The following FHIT variants were observed in gnomAD, a reference collection of about 807,000 sequenced individuals.
FHIT encodes fragile histidine triad diadenosine triphosphatase.
FHIT carries 19 observed loss-of-function variants against 17.9 expected under a neutral mutation model. That is an observed-to-expected ratio of 1.06 (90% CI 0.74 to 1.56). FHIT has a LOEUF of 1.56. Ranked by LOEUF, FHIT falls within the 40% of genes most tolerant of loss-of-function variation. The probability of loss-of-function intolerance (pLI) is 0.00; values close to 1 mark genes in which losing one functional copy is unlikely to be tolerated. For missense variants in FHIT, 248 were observed against 189.2 expected (o/e 1.31, Z -1.82); for synonymous variants, 81 against 69.7 (o/e 1.16, Z -0.81).
At chr3:60,341,531 G>A (rs3890406) in intron 5 of FHIT, among the ~76,000 whole-genome samples, 58,857 of 151,858 alleles carry the variant, frequency 0.39, 12,304 homozygotes, top group South Asian at 0.64. Context: ...TGCGTTCTAA[G>A]CTCTGTTGGG....
intron 5 of FHIT, among the ~76,000 whole-genome samples, chr3:60,058,130 GTTTTTTTT>G (rs71089573): frequency 1.5e-5 from 1 of 66,270 alleles, no homozygotes; most frequent in African/African-American, 5.8e-5. Context: ...ACAGAGTTGT[GTTTTTTTT>G]TTTTTTTTTT....
intron 5 of FHIT, among the ~76,000 whole-genome samples, chr3:60,291,196 G>T (rs375124861): frequency 2.7e-4 from 41 of 152,152 alleles, no homozygotes; most frequent in African/African-American, 9.6e-4. Context: ...CTGGAAAAAT[G>T]GGTTGCCGGT....
At chr3:61,244,161 T>C (rs925322092) in intron 1 of FHIT, 27 of 152,092 alleles carry the variant, frequency 1.8e-4, no homozygotes, top group African/African-American at 5.8e-4. Context: ...CTGGGAAATG[T>C]AAAAAATAAA....
At chr3:61,052,089 T>C (rs903147704) in intron 2 of FHIT, among the ~76,000 whole-genome samples, 1 of 152,226 alleles carries the variant, frequency 6.6e-6, no homozygotes, top group African/African-American at 2.4e-5. Flanking sequence ...CCACTGAATT[T>C]TGTTTCCCAA....
chr3:60,180,253 GA>G (rs1701868420), intron 5 of FHIT, among the ~76,000 whole-genome samples: 1 of 152,148 alleles, frequency 6.6e-6, no homozygotes, highest in African/African-American at 2.4e-5. Context: ...ATGAAAAGTA[GA>G]AAAAATATAC....
At chr3:60,485,857 T>C (rs1042027483) in intron 5 of FHIT, among the ~76,000 whole-genome samples, 2 of 152,176 alleles carry the variant, frequency 1.3e-5, no homozygotes, top group Non-Finnish European at 1.5e-5. Context: ...GACCCACGGA[T>C]TGTTCATCTT....
intron 5 of FHIT, among the ~76,000 whole-genome samples, chr3:60,123,568 A>G (rs1271065111): frequency 6.6e-6 from 1 of 152,168 alleles, no homozygotes; most frequent in African/African-American, 2.4e-5. Context: ...GAATTCTAAA[A>G]TATCGTTGAA....
At chr3:60,195,575 T>TTTA (rs1441087419) in intron 5 of FHIT, among the ~76,000 whole-genome samples, 1 of 92,726 alleles carries the variant, frequency 1.1e-5, no homozygotes, top group Non-Finnish European at 2.5e-5. Flanking sequence ...ATTTATATAA[T>TTTA]TATATTTATA....
At chr3:60,327,579 A>T (rs1709761950) in intron 5 of FHIT, among the ~76,000 whole-genome samples, 1 of 152,188 alleles carries the variant, frequency 6.6e-6, no homozygotes, top group Non-Finnish European at 1.5e-5. Flanking sequence ...GGTGTGTGCT[A>T]AATATTTAAT....
chr3:60,720,191 C>T (rs782616333), intron 4 of FHIT, among the ~76,000 whole-genome samples: 3 of 152,092 alleles, frequency 2.0e-5, no homozygotes, highest in Non-Finnish European at 4.4e-5. Flanking sequence ...CTTCCCGATA[C>T]AGAATATTTG....
intron 5 of FHIT, among the ~76,000 whole-genome samples, chr3:60,155,291 A>G (rs1174863736): frequency 6.6e-6 from 1 of 152,016 alleles, no homozygotes; most frequent in Non-Finnish European, 1.5e-5. Context: ...TTGTCTGTGT[A>G]CTTTCCATTC....
At chr3:59,913,274 T>G (rs1200041422) in intron 8 of FHIT, among the ~76,000 whole-genome samples, 1 of 152,148 alleles carries the variant, frequency 6.6e-6, no homozygotes, top group African/African-American at 2.4e-5. Context: ...GATTTAGTAC[T>G]GGAAGTCCCA....
At chr3:60,430,724 G>A (rs1320384196) in intron 5 of FHIT, among the ~76,000 whole-genome samples, 11 of 151,982 alleles carry the variant, frequency 7.2e-5, no homozygotes, top group African/African-American at 2.7e-4. Flanking sequence ...ACTTCTTGAT[G>A]ACTCTAAGCT....
chr3:60,567,677 G>A (rs58435843), intron 4 of FHIT, among the ~76,000 whole-genome samples: 1,965 of 152,208 alleles, frequency 0.013, 33 homozygotes, highest in African/African-American at 0.044. Context: ...GCCACCTACA[G>A]AATGGGAGAA....
intron 5 of FHIT, among the ~76,000 whole-genome samples, chr3:60,514,665 A>T (rs1336624626): frequency 6.6e-6 from 1 of 152,164 alleles, no homozygotes; most frequent in Non-Finnish European, 1.5e-5. Context: ...GATAATAAAA[A>T]CAAGAGTTAT....
intron 4 of FHIT, among the ~76,000 whole-genome samples, chr3:60,660,179 C>T (rs1412301429): frequency 6.6e-6 from 1 of 151,982 alleles, no homozygotes; most frequent in African/African-American, 2.4e-5. Flanking sequence ...CCTTTAAATC[C>T]CCTGGAAGTC....
chr3:61,058,602 C>T (rs563242910), intron 2 of FHIT, among the ~76,000 whole-genome samples: 2 of 152,266 alleles, frequency 1.3e-5, no homozygotes, highest in Admixed American at 1.3e-4. Flanking sequence ...TCTCTTTCTC[C>T]TGCTCCCACC....
chr3:60,229,072 C>G (rs188669799), intron 5 of FHIT, among the ~76,000 whole-genome samples: 5 of 152,194 alleles, frequency 3.3e-5, no homozygotes. Context: ...GTACGAACTG[C>G]TTACTGACTT....
chr3:60,414,098 A>G (rs943931353), intron 5 of FHIT, among the ~76,000 whole-genome samples: 22 of 152,236 alleles, frequency 1.4e-4, no homozygotes, highest in Admixed American at 7.2e-4. Flanking sequence ...ATGCATTTAC[A>G]TACAGTGGTT....
Sources: allele counts gnomAD v4.1 joint callset (sites outside exome capture counted in the v4.1 genomes callset), GRCh38; gene constraint gnomAD v4.1.1; transcripts MANE v1.5; gene names NCBI Gene and HGNC (gene_info 2026-07-23, HGNC 2026-07-21).